MACROD2: variants seen among roughly 807,000 people sequenced by gnomAD.
MACROD2 encodes mono-ADP ribosylhydrolase 2.
MACROD2 carries 36 observed loss-of-function variants against 70.4 expected under a neutral mutation model. The observed-to-expected ratio is 0.51, with a 90% CI of 0.39 to 0.68. MACROD2 has a LOEUF of 0.68. Among genes scored for constraint, MACROD2 ranks in the 30% least tolerant of loss-of-function variants. The pLI, the probability that MACROD2 is intolerant of heterozygous loss-of-function variation, is 0.00. For missense variants in MACROD2, 496 were observed against 538.4 expected (o/e 0.92, Z 0.78); for synonymous variants, 172 against 178.8 (o/e 0.96, Z 0.30).
At chr20:15,023,916 C>CATTGGTCAA (rs1485979681) in intron 5 of MACROD2, among the ~76,000 whole-genome samples, 1 of 152,120 alleles carries the variant, frequency 6.6e-6, no homozygotes, top group Non-Finnish European at 1.5e-5. Flanking sequence ...GTGGTGTCTT[C>CATTGGTCAA]ATTGGTCAAA....
At chr20:15,764,157 G>A (rs182750098) in intron 8 of MACROD2, among the ~76,000 whole-genome samples, 2 of 152,272 alleles carry the variant, frequency 1.3e-5, no homozygotes, top group East Asian at 3.9e-4. Flanking sequence ...ACCATTATCT[G>A]CCACTTTTGC....
intron 3 of MACROD2, among the ~76,000 whole-genome samples, chr20:14,490,532 A>G (rs997612435): frequency 4.6e-5 from 7 of 152,190 alleles, no homozygotes; most frequent in Non-Finnish European, 8.8e-5. Flanking sequence ...TAAAAGAGAC[A>G]TTTTATTTCA....
At chr20:15,722,994 G>A (rs891492346) in intron 8 of MACROD2, among the ~76,000 whole-genome samples, 19 of 151,976 alleles carry the variant, frequency 1.3e-4, no homozygotes, top group Admixed American at 5.2e-4. Flanking sequence ...CCTTTGTTAT[G>A]TGTCAAATGT....
At chr20:15,946,217 T>C (rs560369799) in intron 12 of MACROD2, among the ~76,000 whole-genome samples, 1 of 152,176 alleles carries the variant, frequency 6.6e-6, no homozygotes, top group Non-Finnish European at 1.5e-5. Context: ...ATGCCACTGG[T>C]CTAAAGCATT....
At chr20:15,655,323 T>A (rs1368495645) in intron 8 of MACROD2, among the ~76,000 whole-genome samples, 1 of 151,944 alleles carries the variant, frequency 6.6e-6, no homozygotes, top group Non-Finnish European at 1.5e-5. Context: ...CCACTTTTTT[T>A]TTTTTTTTTT....
At chr20:15,229,026 A>C (rs968279495) in intron 5 of MACROD2, among the ~76,000 whole-genome samples, 3 of 152,212 alleles carry the variant, frequency 2.0e-5, no homozygotes, top group Non-Finnish European at 2.9e-5. Context: ...AGGGACTAAT[A>C]ATTCAGTTCA....
At chr20:14,682,748 A>G (rs2070949179) in intron 4 of MACROD2, among the ~76,000 whole-genome samples, 1 of 152,188 alleles carries the variant, frequency 6.6e-6, no homozygotes. Context: ...CAACTGTGAC[A>G]TCCTTGTATA....
chr20:14,217,209 A>G (rs2081630480), intron 3 of MACROD2, among the ~76,000 whole-genome samples: 1 of 152,152 alleles, frequency 6.6e-6, no homozygotes, highest in African/African-American at 2.4e-5. Context: ...GAGAGTTTCA[A>G]TCATAAAGCA....
intron 15 of MACROD2, among the ~76,000 whole-genome samples, chr20:15,995,241 A>G (rs1170383980): frequency 2.6e-5 from 4 of 152,122 alleles, no homozygotes; most frequent in Non-Finnish European, 4.4e-5. Flanking sequence ...CAGAAATTAT[A>G]TAGACACTAT....
chr20:14,864,560 T>A (rs927915913), intron 5 of MACROD2, among the ~76,000 whole-genome samples: 17 of 152,170 alleles, frequency 1.1e-4, no homozygotes, highest in African/African-American at 3.9e-4. Context: ...AGTTGTTAGA[T>A]AACTAATACT....
At chr20:14,724,024 T>C (rs2071499974) in intron 5 of MACROD2, among the ~76,000 whole-genome samples, 1 of 152,164 alleles carries the variant, frequency 6.6e-6, no homozygotes, top group African/African-American at 2.4e-5. Context: ...TTTGCTCTCC[T>C]TACTTCTTGG....
At chr20:15,835,213 T>C (rs2064100201) in intron 8 of MACROD2, among the ~76,000 whole-genome samples, 1 of 152,018 alleles carries the variant, frequency 6.6e-6, no homozygotes, top group South Asian at 2.1e-4. Flanking sequence ...AGCCAAGCCA[T>C]TTCCAAATTC....
At chr20:15,161,903 A>T (rs2076350817) in intron 5 of MACROD2, among the ~76,000 whole-genome samples, 1 of 152,070 alleles carries the variant, frequency 6.6e-6, no homozygotes, top group Non-Finnish European at 1.5e-5. Context: ...CTCTCCCTGC[A>T]GTTTGGAATT....
At chr20:15,046,482 C>T (rs1056902673) in intron 5 of MACROD2, among the ~76,000 whole-genome samples, 1 of 152,208 alleles carries the variant, frequency 6.6e-6, no homozygotes, top group Non-Finnish European at 1.5e-5. Context: ...GTCTGTGACA[C>T]AATTACTCCC....
intron 3 of MACROD2, among the ~76,000 whole-genome samples, chr20:14,438,524 C>A (rs1359653130): frequency 2.6e-5 from 4 of 152,160 alleles, no homozygotes; most frequent in Admixed American, 2.6e-4. Context: ...TTTACATTCC[C>A]ACCAACAGTT....
intron 5 of MACROD2, among the ~76,000 whole-genome samples, chr20:14,870,136 TG>T (rs1196004933): frequency 6.6e-6 from 1 of 152,258 alleles, no homozygotes; most frequent in East Asian, 1.9e-4. Context: ...CAGTGTGTGT[TG>T]TTTCTCTCTT....
At chr20:14,483,889 G>C (rs542672289) in intron 3 of MACROD2, among the ~76,000 whole-genome samples, 3 of 152,272 alleles carry the variant, frequency 2.0e-5, no homozygotes, top group African/African-American at 7.2e-5. Context: ...TGGTTAAAGA[G>C]ACTTACCTTT....
intron 8 of MACROD2, among the ~76,000 whole-genome samples, chr20:15,505,161 A>G (rs1045966881): frequency 1.3e-5 from 2 of 152,114 alleles, no homozygotes; most frequent in African/African-American, 2.4e-5. Context: ...CAGAGCCACA[A>G]ATGTCCTGAT....
chr20:15,425,573 G>C (rs764087726), intron 6 of MACROD2, among the ~76,000 whole-genome samples: 8 of 152,212 alleles, frequency 5.3e-5, no homozygotes, highest in Non-Finnish European at 1.2e-4. Flanking sequence ...TAAGGAATGT[G>C]TTGGCTAAGC....
Sources: gnomAD v4.1 joint callset for allele counts (sites outside exome capture counted in the v4.1 genomes callset) on GRCh38, gnomAD v4.1.1 for gene constraint, MANE v1.5 for transcripts, NCBI Gene and HGNC (gene_info 2026-07-23, HGNC 2026-07-21) for gene names.